FGFR1OP2: variants seen among roughly 807,000 people sequenced by gnomAD.
FGFR1OP2 encodes FGFR1 oncogene partner 2, also known as fibroblast growth factor receptor 1 oncogene partner 2.
Under a neutral mutation model 35.2 loss-of-function variants are expected in FGFR1OP2, and 17 were observed. The observed-to-expected ratio is 0.48, with a 90% CI of 0.33 to 0.73. The LOEUF (loss-of-function observed/expected upper bound fraction) is 0.73. Ranked by LOEUF, FGFR1OP2 falls within the 30% of genes least tolerant of loss-of-function variation. The pLI, the probability that FGFR1OP2 is intolerant of heterozygous loss-of-function variation, is 0.02. For synonymous variants in FGFR1OP2, 105 were observed against 104.6 expected, an observed-to-expected ratio of 1.00 and a Z score of -0.03; for missense variants, 251 against 307.3, an observed-to-expected ratio of 0.82 and a Z score of 1.37.
At chr12:26,962,377 A>G (rs894503768) in intron 5 of FGFR1OP2, 1 of 152,188 alleles carries the variant, frequency 6.6e-6, no homozygotes, top group African/African-American at 2.4e-5. Flanking sequence ...TTACAAATAT[A>G]TATATACACA....
chr12:26,960,669 AGGGG>A (rs764522185), intron 5 of FGFR1OP2, 41 bp downstream of exon 5: 1 of 1,570,986 alleles, frequency 6.4e-7, no homozygotes, highest in South Asian at 1.1e-5. Context: ...TGTGGATGGA[AGGGG>A]GGTCCATTTT....
intron 1 of FGFR1OP2, among the ~76,000 whole-genome samples, chr12:26,942,412 A>G (rs1022928149): frequency 4.6e-5 from 7 of 152,238 alleles, no homozygotes; most frequent in Non-Finnish European, 2.9e-5. Flanking sequence ...AGTATAAGGT[A>G]GTTAGTTATT....
intron 1 of FGFR1OP2, among the ~76,000 whole-genome samples, chr12:26,949,669 C>T (rs1938885544): frequency 6.6e-6 from 1 of 152,070 alleles, no homozygotes; most frequent in South Asian, 2.1e-4. Flanking sequence ...ACCTCTGCCT[C>T]CCGGGTTCAA....
At chr12:26,959,993 G>A (rs1939080288) in intron 4 of FGFR1OP2, among the ~76,000 whole-genome samples, 1 of 151,986 alleles carries the variant, frequency 6.6e-6, no homozygotes, top group African/African-American at 2.4e-5. Context: ...CTGTCATAAG[G>A]AAAATCTGGA....
chr12:26,945,816 G>A (rs1341829801), intron 1 of FGFR1OP2, among the ~76,000 whole-genome samples: 2 of 149,568 alleles, frequency 1.3e-5, no homozygotes, highest in African/African-American at 2.5e-5. Flanking sequence ...AGCCGAGAAT[G>A]TGCCATCGCA....
At chr12:26,945,833 C>T (rs1938811468) in intron 1 of FGFR1OP2, among the ~76,000 whole-genome samples, 1 of 150,578 alleles carries the variant, frequency 6.6e-6, no homozygotes, top group Admixed American at 6.6e-5. Context: ...CGCACTCCAG[C>T]CTGGGCAACA....
intron 1 of FGFR1OP2, among the ~76,000 whole-genome samples, chr12:26,949,191 A>C (rs7973402): frequency 0.073 from 11,097 of 152,154 alleles, 497 homozygotes; most frequent in Non-Finnish European, 0.1. Context: ...GCTAGAGTGC[A>C]ATGGCGCGAT....
At chr12:26,941,396 T>C (rs1183031103) in intron 1 of FGFR1OP2, among the ~76,000 whole-genome samples, 1 of 152,236 alleles carries the variant, frequency 6.6e-6, no homozygotes, top group Non-Finnish European at 1.5e-5. Context: ...TTTAAACTTT[T>C]GTGTGTGTGG....
chr12:26,944,396 T>C (rs1432865575), intron 1 of FGFR1OP2, among the ~76,000 whole-genome samples: 1 of 152,188 alleles, frequency 6.6e-6, no homozygotes, highest in Non-Finnish European at 1.5e-5. Flanking sequence ...TTGCTGTAAG[T>C]TTTCTGAAAA....
rs1259066330 is a variant in FGFR1OP2 at position 26,950,162 on chromosome 12, A to G, written c.-14-3983A>G. On this transcript the variant is annotated intron_variant, in intron 1 of 6. Coordinates refer to ENST00000229395, the MANE Select transcript of FGFR1OP2 (RefSeq NM_015633.3). Reference sequence around the variant, plus strand: ...ATATTGTTTCTACCTTTATGATAGCAGTTATATTAGGCAGCTACCATCAAG... The same window carrying G: ...ATATTGTTTCTACCTTTATGATAGCGGTTATATTAGGCAGCTACCATCAAG... 2.0e-5 allele frequency among the ~76,000 whole-genome samples: 3 copies of G among 146,454 alleles called. No homozygotes were observed. The Admixed American group carries it at 2.1e-4, about 10-fold the overall frequency.
intron 5 of FGFR1OP2, 176 bp from the exon 6 acceptor site, chr12:26,963,166 G>T: frequency 2.2e-6 from 1 of 459,780 alleles, no homozygotes; most frequent in East Asian, 3.4e-5. Flanking sequence ...TAACAAATTT[G>T]ATTTCAAAAG....
intron 6 of FGFR1OP2, among the ~76,000 whole-genome samples, chr12:26,964,017 G>T (rs1939139259): frequency 6.6e-6 from 1 of 152,134 alleles, no homozygotes; most frequent in Non-Finnish European, 1.5e-5. Context: ...AACAAATTAT[G>T]AAAGGTTATT....
intron 3 of FGFR1OP2, among the ~76,000 whole-genome samples, chr12:26,957,218 G>A (rs1007626058): frequency 5.9e-5 from 9 of 152,204 alleles, no homozygotes; most frequent in Middle Eastern, 3.4e-3. Context: ...AACTCACACT[G>A]TACTTCTACA....
rs1491285212 is a variant in FGFR1OP2 at position 26,938,499 on chromosome 12, T to TCGGCGGAGGTGTCTACCCCGC, written c.-222_-202dup. 5.9e-5 allele frequency: 9 copies of TCGGCGGAGGTGTCTACCCCGC among 152,122 alleles called. No individual in the cohort carries two copies. Among genetic ancestry groups the TCGGCGGAGGTGTCTACCCCGC allele is most frequent in the African/African-American group, 1.9e-4 (8 of 41,374 alleles). 9.4% of individuals were successfully genotyped at this position (152,122 alleles called of 1,614,324 possible). A position where few individuals can be genotyped will look rare whatever the true frequency, so the allele number is the denominator to read the frequency against. On this transcript the variant is annotated 5_prime_UTR_variant, in exon 1 of 7. Coordinates refer to ENST00000229395, the MANE Select transcript of FGFR1OP2 (RefSeq NM_015633.3). ...CTCCGGGAGCGCCGGTCGGAGGCGG[T>TCGGCGGAGGTGTCTACCCCGC]CGGCGGAGGTGTCTACCCCGCCGGT... is the stretch of plus-strand genomic sequence containing the variant.
In FGFR1OP2 at chr12:26,940,373, A is replaced by C. The variant is rs536218766; in HGVS notation, c.-15+1663A>C. ...TTTTCTTCAGAAAGTGTCTTTATAC[A>C]GTTCCAAACATGTATTCATTCCACT... On this transcript the variant is annotated intron_variant, in intron 1 of 6. Transcript: ENST00000229395. 7.9e-5 allele frequency among the ~76,000 whole-genome samples: 12 copies of C among 152,366 alleles called. No individual in the cohort carries two copies. In the East Asian group the frequency reaches 2.3e-3, roughly 29 times the overall value.
At chr12:26,960,472 C>A in intron 4 of FGFR1OP2, 43 bp from the exon 5 acceptor site, 2 of 1,387,542 alleles carry the variant, frequency 1.4e-6, no homozygotes, top group Non-Finnish European at 2.0e-6. Flanking sequence ...TTTTAAATTA[C>A]GGATGATATC....
intron 1 of FGFR1OP2, among the ~76,000 whole-genome samples, chr12:26,941,283 G>A (rs1251710696): frequency 6.6e-6 from 1 of 152,126 alleles, no homozygotes; most frequent in African/African-American, 2.4e-5. Context: ...TAGAGAGTTT[G>A]GAAAACAGTC....
chr12:26,956,842 C>T (rs918286765), intron 3 of FGFR1OP2, among the ~76,000 whole-genome samples, 182 bp downstream of exon 3: 1 of 152,044 alleles, frequency 6.6e-6, no homozygotes, highest in Non-Finnish European at 1.5e-5. Context: ...GCTTCATTCT[C>T]TGCAGTCCCA....
At chr12:26,943,384 A>G (rs529886172) in intron 1 of FGFR1OP2, among the ~76,000 whole-genome samples, 125 of 152,286 alleles carry the variant, frequency 8.2e-4, no homozygotes, top group African/African-American at 2.8e-3. Flanking sequence ...AGTTTCTTCA[A>G]CTTTTTTTGT....
Sources: allele counts gnomAD v4.1 joint callset (sites outside exome capture counted in the v4.1 genomes callset), GRCh38; gene constraint gnomAD v4.1.1; transcripts MANE v1.5; gene names NCBI Gene and HGNC (gene_info 2026-07-23, HGNC 2026-07-21).